The following GYG2 variants were observed in gnomAD, a reference collection of about 807,000 sequenced individuals.
The protein encoded by GYG2 is glycogenin-2.
A neutral mutation model predicts 29.4 loss-of-function variants in GYG2; 29 were observed. The ratio of observed to expected loss-of-function variants is 0.99; its 90% confidence interval spans 0.74 to 1.35. The LOEUF (loss-of-function observed/expected upper bound fraction) is 1.35. GYG2 is among the 40% of genes most tolerant of loss of function. GYG2 has a pLI of 0.00. For synonymous variants in GYG2, 167 were observed against 172.3 expected (o/e 0.97, Z 0.24); for missense variants, 370 against 385.7 (o/e 0.96, Z 0.34).
chrX:2,831,756 G>A (rs955799080), intron 2 of GYG2, among the ~76,000 whole-genome samples: 2 of 111,658 alleles, frequency 1.8e-5, no homozygotes, highest in African/African-American at 6.5e-5. Context: ...GGGCTGAGAA[G>A]GAAGCTGCTA....
chrX:2,842,486 C>A (rs780184665), intron 2 of GYG2, among the ~76,000 whole-genome samples: 52 of 111,259 alleles, frequency 4.7e-4, no homozygotes, highest in Non-Finnish European at 6.8e-4. Context: ...AGCCACTGCA[C>A]CTAGCCCAAA....
chrX:2,851,827 T>A (rs181108522), intron 3 of GYG2, among the ~76,000 whole-genome samples: 13 of 112,442 alleles, frequency 1.2e-4, no homozygotes, highest in African/African-American at 4.2e-4. Flanking sequence ...TCAGTGAGTC[T>A]TGTCTGCAAC....
In GYG2 at chrX:2,881,077, A is replaced by G. The variant is rs144947653; in HGVS notation, c.1277A>G (p.Gln426Arg). 326 of 1,208,073 alleles carry G rather than the reference A, an allele frequency of 2.7e-4. 1 individual carries two copies. Among genetic ancestry groups the G allele is most frequent in the Admixed American group, 5.0e-4 (23 of 45,616 alleles). Residue 426 changes from glutamine (Q) to arginine (R), a missense_variant, in exon 11 of 11, where the codon CAG becomes CGG. Transcript: ENST00000398806. ...LEVDLAVSVSQISIEEKVKEL... is the reference protein window; with the variant it reads ...LEVDLAVSVSRISIEEKVKEL... ...GTCGACCTGGCCGTCTCTGTTTCCC[A>G]GATCTCCATCGAAGAGAAGGTGAAG...
In GYG2 at chrX:2,861,633, G is replaced by T; in HGVS notation, c.949G>T (p.Gly317Cys). The T allele has an allele frequency of 8.3e-7, 1 of 1,207,550 alleles. No homozygotes were observed. The highest frequency in any genetic ancestry group is 1.8e-5 in the South Asian group (1 of 56,342). Residue 317 changes from glycine to cysteine, a missense_variant, in exon 8 of 11, where the codon GGT becomes TGT. Physicochemically the swap from Gly to Cys is radical, Grantham distance 159. Coordinates refer to ENST00000398806, the MANE Select transcript of GYG2 (RefSeq NM_001079855.2). ...AGVPCANSPL[G>C]SNQPAQGLPE... is the part of the protein sequence containing the mutation. ...CGTGCCGTGTGCAAATTCACCACTG[G>T]GTTCTAACCAGCCTGCTCAGGGCCT... is the stretch of plus-strand genomic sequence containing the variant.
chrX:2,879,927 A>G (rs1258431165), intron 10 of GYG2, among the ~76,000 whole-genome samples: 1 of 111,242 alleles, frequency 9.0e-6, no homozygotes, highest in African/African-American at 3.3e-5. Context: ...GGATGGATGG[A>G]TGGATGAGTG....
At chrX:2,876,300 A>G (rs149804436) in intron 9 of GYG2, among the ~76,000 whole-genome samples, 164 of 110,981 alleles carry the variant, frequency 1.5e-3, no homozygotes, top group African/African-American at 5.3e-3. Context: ...CCATGTCTAA[A>G]ATCAATATTC....
rs781301500 is a variant in GYG2 at position 2,854,976 on chromosome X, G to A, written c.325-17G>A. Reference sequence around the variant, plus strand: ...AAAGAAGCATTGCGGCGGGTTCTGCGTGTTTTGCTTCACCAGGTGCTGTCC... The same window carrying A: ...AAAGAAGCATTGCGGCGGGTTCTGCATGTTTTGCTTCACCAGGTGCTGTCC... On this transcript the variant is annotated splice_polypyrimidine_tract_variant and intron_variant, in intron 4 of 10. Transcript: ENST00000398806. 2.4e-5 allele frequency: 29 copies of A among 1,203,629 alleles called. No individual in the cohort carries two copies. In the South Asian group the frequency reaches 3.6e-4, roughly 15 times the overall value.
chrX:2,875,939 AC>A (rs765051275), intron 9 of GYG2, 25 bp downstream of exon 9: 8 of 837,186 alleles, frequency 9.6e-6, no homozygotes, highest in South Asian at 4.2e-5. Context: ...TATGACCTAC[AC>A]ATGGCCAGCT....
intron 6 of GYG2, among the ~76,000 whole-genome samples, chrX:2,858,673 A>G (rs780476579): frequency 1.8e-5 from 2 of 111,774 alleles, no homozygotes; most frequent in Non-Finnish European, 3.8e-5. Flanking sequence ...AGGAAGAGAA[A>G]TTGATTCTTG....
chrX:2,854,926 T>A, intron 4 of GYG2, 67 bp from the exon 5 acceptor site: 1 of 1,143,585 alleles, frequency 8.7e-7, no homozygotes. Flanking sequence ...AGCAAGACTC[T>A]GTCTCAAAAA....
intron 7 of GYG2, 90 bp from the exon 8 acceptor site, chrX:2,861,432 G>C (rs1360655836): frequency 3.1e-6 from 2 of 650,785 alleles, no homozygotes; most frequent in East Asian, 6.8e-5. Flanking sequence ...TGGGAGCCCT[G>C]GCTACACAGG....
intron 3 of GYG2, among the ~76,000 whole-genome samples, chrX:2,844,625 C>T (rs751181730): frequency 2.0e-4 from 3 of 15,364 alleles, no homozygotes; most frequent in South Asian, 5.7e-3. Context: ...TGTGTATACG[C>T]ACACGCATGC....
intron 8 of GYG2, among the ~76,000 whole-genome samples, chrX:2,868,594 A>G (rs1249670145): frequency 9.0e-6 from 1 of 110,798 alleles, no homozygotes; most frequent in Admixed American, 9.7e-5. Flanking sequence ...ACCTAAAAAA[A>G]TTTGTTATGG....
chrX:2,844,533 T>C lies in GYG2; in HGVS notation c.149+1179T>C, dbSNP rs1279389534. On this transcript the variant is annotated intron_variant, in intron 3 of 10. Coordinates refer to ENST00000398806, the MANE Select transcript of GYG2 (RefSeq NM_001079855.2). ...ATGTGTATACGCACACGCATGCGTA[T>C]ATATGTGTATACGCACACGCATGCG... Among the ~76,000 whole-genome samples the C allele has an allele frequency of 4.3e-3, 193 of 44,928 alleles. 11 individuals carry two copies. The highest frequency in any genetic ancestry group is 0.018 in the African/African-American group (175 of 9,525). 39.0% of individuals were successfully genotyped at this position (44,928 alleles called of 115,157 possible).
intron 3 of GYG2, chrX:2,852,884 A>G (rs923716868): frequency 1.8e-5 from 2 of 112,697 alleles, no homozygotes; most frequent in African/African-American, 6.4e-5. Flanking sequence ...GGCAGTGAAC[A>G]CATTACATTC....
At chrX:2,865,893 C>T (rs2088284839) in intron 8 of GYG2, among the ~76,000 whole-genome samples, 1 of 111,072 alleles carries the variant, frequency 9.0e-6, no homozygotes, top group Non-Finnish European at 1.9e-5. Flanking sequence ...GGCATTTATC[C>T]GAAGGAGAGG....
intron 8 of GYG2, among the ~76,000 whole-genome samples, chrX:2,867,969 G>A (rs1190160408): frequency 9.2e-6 from 1 of 108,837 alleles, no homozygotes; most frequent in African/African-American, 3.3e-5. Context: ...GGTGGCGTGC[G>A]CCTGTAATCC....
rs761028975 is a variant in GYG2 at position 2,844,221 on chromosome X, C to G, written c.149+867C>G. ...AAATAATAAATCCAGACATTAATAGCTAAACTAAAAAGAGAACAAATAAAA... is the reference window on the plus strand; with the variant it reads ...AAATAATAAATCCAGACATTAATAGGTAAACTAAAAAGAGAACAAATAAAA... On this transcript the variant is annotated intron_variant, in intron 3 of 10. Transcript: ENST00000398806. Among the ~76,000 whole-genome samples, 228 of 111,843 alleles carry G rather than the reference C, an allele frequency of 2.0e-3. 3 individuals are homozygous for G. Among genetic ancestry groups the G allele is most frequent in the African/African-American group, 6.9e-3 (214 of 30,829 alleles).
chrX:2,844,626 A>G (rs1159669547), intron 3 of GYG2, among the ~76,000 whole-genome samples: 19 of 17,360 alleles, frequency 1.1e-3, no homozygotes, highest in Non-Finnish European at 1.5e-3. Flanking sequence ...GTGTATACGC[A>G]CACGCATGCG....
Sources: allele counts gnomAD v4.1 joint callset (sites outside exome capture counted in the v4.1 genomes callset), GRCh38; gene constraint gnomAD v4.1.1; transcripts MANE v1.5; gene names NCBI Gene and HGNC (gene_info 2026-07-23, HGNC 2026-07-21).